LSAMP: variants seen among roughly 807,000 people sequenced by gnomAD.
LSAMP encodes limbic system associated membrane protein.
LSAMP carries 7 observed loss-of-function variants against 38.6 expected under a neutral mutation model. The observed-to-expected ratio is 0.18, with a 90% CI of 0.10 to 0.34. LSAMP has a LOEUF of 0.34. LSAMP is among the 10% of genes least tolerant of loss of function. LSAMP has a pLI of 1.00. For missense variants in LSAMP, 313 were observed against 420.0 expected (o/e 0.75, Z 2.23); for synonymous variants, 154 against 166.8 (o/e 0.92, Z 0.59).
At chr3:116,185,030 C>CTTTTTTTTTTTTTTTTTTT (rs368314567) in intron 1 of LSAMP, among the ~76,000 whole-genome samples, 4 of 117,760 alleles carry the variant, frequency 3.4e-5, no homozygotes, top group Non-Finnish European at 5.3e-5. Flanking sequence ...TTCTTTCTTT[C>CTTTTTTTTTTTTTTTTTTT]TTTTTTTTTT....
rs138183410 is a variant in LSAMP, at chr3:116,115,722, G to A, written c.156-29166C>T. Among the ~76,000 whole-genome samples the A allele has an allele frequency of 1.7e-3, 266 of 152,064 alleles. 1 individual carries two copies. The highest frequency in any genetic ancestry group is 3.4e-3 in the Middle Eastern group (1 of 294). Reference sequence around the variant, plus strand: ...TGAGTCGAGAACCCTAAATTAAAAAGCATTTTCCTATAGAATTTTGAAGAC... The same window carrying A: ...TGAGTCGAGAACCCTAAATTAAAAAACATTTTCCTATAGAATTTTGAAGAC... On this transcript the variant is annotated intron_variant, in intron 1 of 6. Transcript: ENST00000490035.
In LSAMP at chr3:116,200,093, TA is replaced by T. The variant is rs2045969370; in HGVS notation, c.156-113538del. Among the ~76,000 whole-genome samples the T allele has an allele frequency of 6.7e-5, 10 of 149,366 alleles. No homozygotes were observed. In the East Asian group the frequency reaches 2.0e-3, roughly 30 times the overall value. The stretch of plus-strand genomic sequence containing the variant: ...GTTTTACTGTTTTTCAGTCTTACTT[TA>T]CACACACACACACACACACACACAC... On this transcript the variant is annotated intron_variant, in intron 1 of 6. Coordinates refer to ENST00000490035, the MANE Select transcript of LSAMP (RefSeq NM_002338.5).
chr3:116,142,293 T>A (rs1026379787), intron 1 of LSAMP, among the ~76,000 whole-genome samples: 3 of 152,034 alleles, frequency 2.0e-5, no homozygotes, highest in African/African-American at 7.2e-5. Context: ...ATGGGATGAC[T>A]GACACTGTTT....
At chr3:115,938,706 T>A (rs927932921) in intron 3 of LSAMP, among the ~76,000 whole-genome samples, 1 of 152,166 alleles carries the variant, frequency 6.6e-6, no homozygotes, top group Admixed American at 6.5e-5. Flanking sequence ...AAAATCTTTT[T>A]AAATGTAGAC....
intron 3 of LSAMP, among the ~76,000 whole-genome samples, chr3:116,005,219 G>T (rs1940121796): frequency 1.3e-5 from 2 of 152,118 alleles, no homozygotes; most frequent in Non-Finnish European, 2.9e-5. Context: ...TGTTTCCATG[G>T]ATATTGAGAA....
At position 116,004,537 on chromosome 3, in the gene LSAMP, C is replaced by T. The variant is rs544168221; in HGVS notation, c.514+14978G>A. ...ATATATATGTGTATATATATATATA[C>T]ACACACACACGTAGGTGCATATATA... On this transcript the variant is annotated intron_variant, in intron 3 of 6. Coordinates refer to ENST00000490035, the MANE Select transcript of LSAMP (RefSeq NM_002338.5). Among the ~76,000 whole-genome samples, 879 of 115,160 alleles carry T rather than the reference C, an allele frequency of 7.6e-3. 6 individuals are homozygous for T. The highest frequency in any genetic ancestry group is 0.016 in the African/African-American group (438 of 28,246). 75.5% of individuals were successfully genotyped at this position (115,160 alleles called of 152,430 possible).
chr3:115,887,788 G>A (rs892281411), intron 3 of LSAMP, among the ~76,000 whole-genome samples: 13 of 151,862 alleles, frequency 8.6e-5, no homozygotes, highest in African/African-American at 3.1e-4. Context: ...GAAATTTAGA[G>A]CAGGCGACCT....
At position 115,843,989 on chromosome 3, in the gene LSAMP, T is replaced by C. The variant is rs145638083; in HGVS notation, c.650-1411A>G. On this transcript the variant is annotated intron_variant, in intron 4 of 6. Transcript: ENST00000490035. ...GTATAAGCACTAAATGGGAAGATGC[T>C]GTCATAAAACGAACCCTGGATTGGA... 2.0e-3 allele frequency among the ~76,000 whole-genome samples: 304 copies of C among 152,358 alleles called. 4 individuals carry two copies. Among genetic ancestry groups the C allele is most frequent in the African/African-American group, 6.7e-3 (278 of 41,592 alleles).
Position 116,118,614 on chromosome 3 carries a change from C to T in LSAMP, c.156-32058G>A, listed in dbSNP as rs116145725. Among the ~76,000 whole-genome samples the T allele has an allele frequency of 2.5e-3, 374 of 152,200 alleles. 2 individuals carry two copies. Among genetic ancestry groups the T allele is most frequent in the Non-Finnish European group, 4.1e-3 (280 of 68,014 alleles). ...AAAATTGGATGTGTGTTTGATCCAT[C>T]GTCTTTCCACAGATTTGCTCAGGAT... On this transcript the variant is annotated intron_variant, in intron 1 of 6. Transcript: ENST00000490035.
At chr3:116,208,942 C>T (rs537822068) in intron 1 of LSAMP, among the ~76,000 whole-genome samples, 6 of 152,334 alleles carry the variant, frequency 3.9e-5, no homozygotes, top group South Asian at 2.1e-4. Context: ...TTGGAGCTTC[C>T]CGGCTGCTTT....
intron 1 of LSAMP, among the ~76,000 whole-genome samples, chr3:116,124,722 T>C (rs1351622674): frequency 6.6e-6 from 1 of 152,074 alleles, no homozygotes; most frequent in Admixed American, 6.6e-5. Flanking sequence ...GGAATTAAGA[T>C]CCAGTTAAAG....
At chr3:116,356,195 G>A (rs1424502715) in intron 1 of LSAMP, among the ~76,000 whole-genome samples, 1 of 152,118 alleles carries the variant, frequency 6.6e-6, no homozygotes, top group Non-Finnish European at 1.5e-5. Context: ...TCCATCAACA[G>A]ACAAGTAGAT....
rs1933559682 is a variant in LSAMP at position 115,803,322 on chromosome 3, C to T, written c.*6995G>A. 2 of 152,218 alleles carry T rather than the reference C, an allele frequency of 1.3e-5. No homozygotes were observed. Among genetic ancestry groups the T allele is most frequent in the South Asian group, 4.1e-4 (2 of 4,822 alleles). 9.4% of individuals were successfully genotyped at this position (152,218 alleles called of 1,614,324 possible). A position where few individuals can be genotyped will look rare whatever the true frequency, so the allele number is the denominator to read the frequency against. On this transcript the variant is annotated 3_prime_UTR_variant, in exon 7 of 7. Transcript: ENST00000490035. The stretch of plus-strand genomic sequence containing the variant: ...ATTGCTGGGAAGTGATGAACAAACC[C>T]TACTCTTCAGTGACTGGAAACTCTG...
intron 1 of LSAMP, among the ~76,000 whole-genome samples, chr3:116,143,882 A>C (rs1709430193): frequency 6.6e-6 from 1 of 151,902 alleles, no homozygotes; most frequent in Non-Finnish European, 1.5e-5. Context: ...ATCAATTTTC[A>C]ATCTTATTTT....
At chr3:116,294,795 T>C (rs1295007234) in intron 1 of LSAMP, among the ~76,000 whole-genome samples, 1 of 151,934 alleles carries the variant, frequency 6.6e-6, no homozygotes, top group East Asian at 1.9e-4. Flanking sequence ...ATAGGTAACC[T>C]GCACTTAACT....
chr3:115,893,235 G>C (rs2107462952), intron 3 of LSAMP, among the ~76,000 whole-genome samples: 1 of 151,996 alleles, frequency 6.6e-6, no homozygotes, highest in Middle Eastern at 3.4e-3. Flanking sequence ...ACCATGGCCT[G>C]TGTATACCTA....
chr3:116,185,642 C>T (rs755662965), intron 1 of LSAMP, among the ~76,000 whole-genome samples: 5 of 152,072 alleles, frequency 3.3e-5, no homozygotes, highest in Admixed American at 6.6e-5. Flanking sequence ...CTCCTTCAAG[C>T]CACCTAGTAT....
intron 3 of LSAMP, among the ~76,000 whole-genome samples, chr3:115,994,621 A>G (rs972046653): frequency 1.5e-4 from 23 of 152,008 alleles, no homozygotes; most frequent in Admixed American, 5.3e-4. Context: ...ATCCCCAAAT[A>G]CTGGTAGTGG....
intron 3 of LSAMP, among the ~76,000 whole-genome samples, chr3:115,996,692 T>C (rs534373248): frequency 6.6e-6 from 1 of 152,292 alleles, no homozygotes; most frequent in African/African-American, 2.4e-5. Context: ...ATCTCATTAT[T>C]TGAGGTTAAA....
Sources: gnomAD v4.1 joint callset for allele counts (sites outside exome capture counted in the v4.1 genomes callset) on GRCh38, gnomAD v4.1.1 for gene constraint, MANE v1.5 for transcripts, NCBI Gene and HGNC (gene_info 2026-07-23, HGNC 2026-07-21) for gene names.